SCN7A: variants seen among roughly 807,000 people sequenced by gnomAD.
SCN7A encodes sodium channel protein type 7 subunit alpha.
SCN7A carries 138 observed loss-of-function variants against 155.2 expected under a neutral mutation model. The ratio of observed to expected loss-of-function variants is 0.89; its 90% CI spans 0.77 to 1.02. The LOEUF (loss-of-function observed/expected upper bound fraction) is 1.02. Among genes scored for constraint, SCN7A ranks in the 50% least tolerant of loss-of-function variants. The pLI is 0.00. For missense variants in SCN7A, 2,058 were observed against 1,986.6 expected (o/e 1.04, Z -0.68); for synonymous variants, 693 against 649.0 (o/e 1.07, Z -1.03).
In SCN7A at chr2:166,406,755, T is replaced by G. The variant is rs1057491626; in HGVS notation, c.3983-109A>C. The G allele has an allele frequency of 1.4e-5, 11 of 779,980 alleles. No individual in the cohort carries two copies. In the African/African-American group the frequency reaches 1.9e-4, roughly 14 times the overall value. The allele number at this position is 779,980 out of a possible 1,614,324, so 48.3% of individuals were successfully genotyped here. ...TGTTTTTCCCTGTTTTATTAATCCTTTATTGATCCCTTCCATTTTACTAAT... is the reference window on the plus strand; with the variant it reads ...TGTTTTTCCCTGTTTTATTAATCCTGTATTGATCCCTTCCATTTTACTAAT... On this transcript the variant is annotated intron_variant, in intron 25 of 25. Transcript: ENST00000643258.
chr2:166,406,368 C>T lies in SCN7A; in HGVS notation c.4261G>A (p.Gly1421Ser). 2 of 1,613,056 alleles carry T rather than the reference C, an allele frequency of 1.2e-6. No homozygotes were observed. Among genetic ancestry groups the T allele is most frequent in the Non-Finnish European group, 8.5e-7 (1 of 1,179,378 alleles). The stretch of plus-strand genomic sequence containing the variant: ...TGAAAAAGACAGAGCATACTGTTGC[C>T]AAAGGTTTCAAAATTAGACACATCA... ...INDVSNFETF[G>S]NSMLCLFQVA... Residue 1421 changes from glycine (G) to serine (S), a missense_variant, in exon 26 of 26, where the codon GGC becomes AGC. Physicochemically the swap from Gly to Ser is moderately conservative, Grantham distance 56. Coordinates refer to ENST00000643258, the MANE Select transcript of SCN7A (RefSeq NM_002976.4).
Position 166,444,991 on chromosome 2 carries a change from T to A in SCN7A, c.1397A>T (p.Lys466Ile), listed in dbSNP as rs979912178. The change falls in exon 13 of 26, where the codon AAA (lysine) becomes ATA (isoleucine). Residue 466 changes from lysine (K) to isoleucine (I), a missense_variant. Physicochemically the swap from Lys to Ile is moderately radical, Grantham distance 102. Coordinates refer to ENST00000643258, the MANE Select transcript of SCN7A (RefSeq NM_002976.4). ...GTATAATGGGCATATCTTCTTGGAT[T>A]TTTCAAGTTCTGAAATGAAAGAATA... is the stretch of plus-strand genomic sequence containing the variant. Reference protein sequence around the residue: ...ATLRHKEELEKSKKICPLYWY... With the variant: ...ATLRHKEELEISKKICPLYWY... 6.2e-7 allele frequency: 1 copy of A among 1,600,776 alleles called. No homozygotes were observed. The highest frequency in any genetic ancestry group is 2.2e-5 in the East Asian group (1 of 44,732).
intron 24 of SCN7A, 55 bp from the exon 25 acceptor site, chr2:166,409,990 T>C (rs958658841): frequency 1.9e-5 from 27 of 1,413,678 alleles, no homozygotes; most frequent in South Asian, 3.0e-5. Context: ...CATATACATA[T>C]ATATGGTCTT....
chr2:166,427,795 C>T lies in SCN7A; in HGVS notation c.2846G>A (p.Gly949Asp). The T allele has an allele frequency of 6.2e-7, 1 of 1,608,126 alleles. No individual in the cohort carries two copies. Among genetic ancestry groups the T allele is most frequent in the Non-Finnish European group, 8.5e-7 (1 of 1,176,682 alleles). Reference protein sequence around the residue: ...FIGLVTLLSTGTLAFEDIYMD... With the variant: ...FIGLVTLLSTDTLAFEDIYMD... The stretch of plus-strand genomic sequence containing the variant: ...CCCTGGCTGCCCACTTACCAGAGTG[C>T]CAGTGCTGAGCAGAGTAACAAGCCC... The change falls in exon 18 of 26, where the codon GGC becomes GAC. Residue 949 changes from glycine (G) to aspartate (D), a missense_variant. Coordinates refer to ENST00000643258, the MANE Select transcript of SCN7A (RefSeq NM_002976.4).
intron 11 of SCN7A, among the ~76,000 whole-genome samples, chr2:166,454,672 TTCTC>T (rs886390349): frequency 3.5e-4 from 53 of 152,270 alleles, no homozygotes; most frequent in African/African-American, 1.2e-3. Context: ...CGGGTATGGC[TTCTC>T]TCTATTTTTC....
At chr2:166,490,380 T>A (rs756923936) in intron 1 of SCN7A, among the ~76,000 whole-genome samples, 1 of 152,212 alleles carries the variant, frequency 6.6e-6, no homozygotes, top group Non-Finnish European at 1.5e-5. Context: ...CCTGGAATAT[T>A]TCACTTGGCA....
rs769260862 is a variant in SCN7A at position 166,447,696 on chromosome 2, G to T, written c.1303C>A (p.Gln435Lys). 5 of 1,612,082 alleles carry T rather than the reference G, an allele frequency of 3.1e-6. No homozygotes were observed. Among genetic ancestry groups the T allele is most frequent in the Non-Finnish European group, 4.2e-6 (5 of 1,178,670 alleles). ...GNETDEAKTI[Q>K]IEMKKRSPIS... ...GGTGACCTTTTCTTCATTTCTATTT[G>T]TATGGTCTTGGCCTGAAAAGGAATT... is the stretch of plus-strand genomic sequence containing the variant. Residue 435 changes from glutamine (Q) to lysine (K), a missense_variant, in exon 12 of 26, where the codon CAA (glutamine) becomes AAA (lysine). Gln to Lys is a moderately conservative substitution (Grantham distance 53). Coordinates refer to ENST00000643258, the MANE Select transcript of SCN7A (RefSeq NM_002976.4).
Position 166,438,706 on chromosome 2 carries a change from AT to A in SCN7A, c.2157+2689del, listed in dbSNP as rs569239573. Among the ~76,000 whole-genome samples, 50 of 152,122 alleles carry A rather than the reference AT, an allele frequency of 3.3e-4. No homozygotes were observed. In the East Asian group the frequency reaches 9.5e-3, roughly 29 times the overall value. On this transcript the variant is annotated intron_variant, in intron 15 of 25. Coordinates refer to ENST00000643258, the MANE Select transcript of SCN7A (RefSeq NM_002976.4). Reference sequence around the variant, plus strand: ...GTTAAAAAGATCAACAGCTTCAAAGATTATCTCCTTACATTTTTCCCCCTTC... The same window carrying A: ...GTTAAAAAGATCAACAGCTTCAAAGATATCTCCTTACATTTTTCCCCCTTC...
intron 15 of SCN7A, among the ~76,000 whole-genome samples, chr2:166,439,612 C>A (rs1432307583): frequency 6.6e-6 from 1 of 152,112 alleles, no homozygotes; most frequent in Non-Finnish European, 1.5e-5. Context: ...GTTATGTATG[C>A]TGATATATAT....
At position 166,404,824 on chromosome 2, in the gene SCN7A, G is replaced by GAAAAAAA. The variant is rs35675449; in HGVS notation, c.*749_*755dup. The GAAAAAAA allele has an allele frequency of 1.4e-4, 9 of 62,758 alleles. No homozygotes were observed. Among genetic ancestry groups the GAAAAAAA allele is most frequent in the Non-Finnish European group, 1.7e-4 (5 of 30,260 alleles). The allele number at this position is 62,758 out of a possible 1,614,324, so 3.9% of individuals were successfully genotyped here. Reference sequence around the variant, plus strand: ...AAATAGGTGTAAATGAGAAGAAAATGAAAAAAAAAAAAAAAAAAAAGGCTA... The same window carrying GAAAAAAA: ...AAATAGGTGTAAATGAGAAGAAAATGAAAAAAAAAAAAAAAAAAAAAAAAAAAGGCTA... On this transcript the variant is annotated 3_prime_UTR_variant, in exon 26 of 26. Coordinates refer to ENST00000643258, the MANE Select transcript of SCN7A (RefSeq NM_002976.4).
At chr2:166,447,582 TAGTG>T (rs1702090108) in intron 12 of SCN7A, 26 bp downstream of exon 12, 2 of 1,394,406 alleles carry the variant, frequency 1.4e-6, no homozygotes, top group South Asian at 1.2e-5. Context: ...GTACCTTCAA[TAGTG>T]AGTGTCTACT....
At chr2:166,441,868 CA>C in intron 14 of SCN7A, 116 bp from the exon 15 acceptor site, 1 of 688,970 alleles carries the variant, frequency 1.5e-6, no homozygotes, top group East Asian at 2.7e-5. Flanking sequence ...GAGTTTTAAG[CA>C]TTATTAACTA....
intron 11 of SCN7A, among the ~76,000 whole-genome samples, chr2:166,448,808 C>T (rs1354109305): frequency 6.6e-6 from 1 of 152,100 alleles, no homozygotes; most frequent in Non-Finnish European, 1.5e-5. Flanking sequence ...TAAGTAATAA[C>T]AGAGTATTTT....
chr2:166,492,847 T>A (rs1683142681), intron 1 of SCN7A, among the ~76,000 whole-genome samples: 2 of 152,216 alleles, frequency 1.3e-5, no homozygotes, highest in South Asian at 4.1e-4. Flanking sequence ...TTGTCAGGAC[T>A]TTTTGGAGTG....
chr2:166,465,054 G>A (rs1310247661), intron 9 of SCN7A, among the ~76,000 whole-genome samples: 2 of 152,166 alleles, frequency 1.3e-5, no homozygotes, highest in Non-Finnish European at 2.9e-5. Flanking sequence ...GCCTTTGATA[G>A]GTGATTAGGT....
At chr2:166,415,702 T>G (rs1216525349) in intron 21 of SCN7A, among the ~76,000 whole-genome samples, 1 of 152,194 alleles carries the variant, frequency 6.6e-6, no homozygotes, top group Non-Finnish European at 1.5e-5. Context: ...CTTTGATCTC[T>G]TAATCCTGTT....
intron 10 of SCN7A, among the ~76,000 whole-genome samples, chr2:166,458,616 C>T (rs1039987817): frequency 6.6e-6 from 1 of 152,074 alleles, no homozygotes; most frequent in African/African-American, 2.4e-5. Context: ...ATAGGCATAT[C>T]AATTTTTTGG....
rs11888208 is a variant in SCN7A, at chr2:166,456,941, T to C, written c.1219A>G (p.Ile407Val). 0.15 allele frequency: 229,281 copies of C among 1,578,470 alleles called. 17,651 individuals carry two copies. The highest frequency in any genetic ancestry group is 0.19 in the Middle Eastern group (1,111 of 5,992). ...YEEEKQRVGE[I>V]SKKIEPKFQQ... ...AATTTTGGTTCAATCTTCTTAGATATTTCACCAACTCTCTGCTTTTCTTCT... is the reference window on the plus strand; with the variant it reads ...AATTTTGGTTCAATCTTCTTAGATACTTCACCAACTCTCTGCTTTTCTTCT... The change falls in exon 11 of 26, where the codon ATA becomes GTA. Residue 407 changes from isoleucine (I) to valine (V), a missense_variant. Transcript: ENST00000643258.
At position 166,462,422 on chromosome 2, in the gene SCN7A, C is replaced by A. The variant is rs1273193709; in HGVS notation, c.1050G>T (p.Met350Ile). 5.0e-6 allele frequency: 8 copies of A among 1,603,842 alleles called. No homozygotes were observed. The highest frequency in any genetic ancestry group is 6.8e-6 in the Non-Finnish European group (8 of 1,174,746). ...GWALFALFRL[M>I]AQDYPEVLYH... is the part of the protein sequence containing the mutation. Reference sequence around the variant, plus strand: ...AAAGTACTTCAGGGTAATCCTGAGCCATTAACCGAAATAGGGCAAATAAGG... The same window carrying A: ...AAAGTACTTCAGGGTAATCCTGAGCAATTAACCGAAATAGGGCAAATAAGG... The change falls in exon 10 of 26, where the codon ATG (methionine) becomes ATT (isoleucine). Residue 350 changes from methionine (M) to isoleucine (I), a missense_variant. Coordinates refer to ENST00000643258, the MANE Select transcript of SCN7A (RefSeq NM_002976.4).
Sources: gnomAD v4.1 joint callset for allele counts (sites outside exome capture counted in the v4.1 genomes callset) on GRCh38, gnomAD v4.1.1 for gene constraint, MANE v1.5 for transcripts, NCBI Gene and HGNC (gene_info 2026-07-23, HGNC 2026-07-21) for gene names.